Variants in PIP5K1B observed in about 807,000 individuals in gnomAD.
The protein encoded by PIP5K1B is phosphatidylinositol-4-phosphate 5-kinase type 1 beta.
PIP5K1B carries 42 observed loss-of-function variants against 67.0 expected under a neutral mutation model. That is an observed-to-expected ratio of 0.63 (90% CI 0.49 to 0.81). The LOEUF is 0.81. Ranked by LOEUF, PIP5K1B falls within the 30% of genes least tolerant of loss-of-function variation. The pLI, the probability that PIP5K1B is intolerant of heterozygous loss-of-function variation, is 0.00. For missense variants in PIP5K1B, 459 were observed against 646.3 expected, an observed-to-expected ratio of 0.71 and a Z score of 3.14; for synonymous variants, 214 against 231.4, an observed-to-expected ratio of 0.92 and a Z score of 0.68.
Position 68,940,623 on chromosome 9 carries a change from G to A in PIP5K1B, c.1358-23G>A, listed in dbSNP as rs775279650. The A allele has an allele frequency of 5.6e-6, 9 of 1,608,116 alleles. No individual in the cohort carries two copies. In the Admixed American group the frequency reaches 1.3e-4, roughly 24 times the overall value. ...GCATTTATCCTTGAGATTCATGAAT[G>A]TGTGTGTTGCTTTCGTTCCTAGCCC... On this transcript the variant is annotated intron_variant, in intron 13 of 15. Transcript: ENST00000265382.
At chr9:68,715,045 C>T (rs1827567805) in intron 1 of PIP5K1B, among the ~76,000 whole-genome samples, 1 of 152,242 alleles carries the variant, frequency 6.6e-6, no homozygotes, top group African/African-American at 2.4e-5. Flanking sequence ...TCCCAAAAGG[C>T]ACCTGTCTCT....
At chr9:68,857,357 G>T (rs1176025189) in intron 4 of PIP5K1B, among the ~76,000 whole-genome samples, 1 of 152,164 alleles carries the variant, frequency 6.6e-6, no homozygotes, top group African/African-American at 2.4e-5. Context: ...AGAGGAGGAG[G>T]TTTGCCTACC....
chr9:68,895,561 A>T (rs6560419), intron 8 of PIP5K1B, among the ~76,000 whole-genome samples: 65,502 of 151,344 alleles, frequency 0.43, 14,421 homozygotes, highest in South Asian at 0.51. Flanking sequence ...TGAGGAAGAC[A>T]GTCTGACACC....
At chr9:68,780,243 G>A (rs1380570718) in intron 2 of PIP5K1B, 2 of 1,531,712 alleles carry the variant, frequency 1.3e-6, no homozygotes, top group African/African-American at 1.4e-5. Context: ...CGGTGGCAGC[G>A]GCGGCGGCGG....
In PIP5K1B at chr9:68,991,969, AT is replaced by A. The variant is rs112540371; in HGVS notation, c.1620+720del. On this transcript the variant is annotated intron_variant, in intron 15 of 15. Transcript: ENST00000265382. ...TCTTTGTATGCCTGCACAAAAAAAA[AT>A]TTTTTTTGGGGGGGGGCAGAGTTTT... is the stretch of plus-strand genomic sequence containing the variant. Among the ~76,000 whole-genome samples, 1,440 of 150,520 alleles carry A rather than the reference AT, an allele frequency of 9.6e-3. 14 individuals carry two copies. The highest frequency in any genetic ancestry group is 0.033 in the African/African-American group (1,342 of 40,266).
intron 2 of PIP5K1B, chr9:68,780,237 G>T (rs1831174429): frequency 4.5e-6 from 7 of 1,542,812 alleles, no homozygotes; most frequent in Non-Finnish European, 6.1e-6. Flanking sequence ...GGAGGGCGGT[G>T]GCAGCGGCGG....
chr9:68,822,910 T>C (rs886379179), intron 4 of PIP5K1B, among the ~76,000 whole-genome samples: 3 of 152,178 alleles, frequency 2.0e-5, no homozygotes, highest in Non-Finnish European at 4.4e-5. Flanking sequence ...CTGAGATCCA[T>C]GTGTTTGCAG....
intron 2 of PIP5K1B, among the ~76,000 whole-genome samples, chr9:68,743,851 G>C (rs572094290): frequency 2.6e-5 from 4 of 152,300 alleles, no homozygotes; most frequent in African/African-American, 9.6e-5. Context: ...TGGGTTTCCT[G>C]CTGAGTATGG....
intron 2 of PIP5K1B, among the ~76,000 whole-genome samples, chr9:68,785,343 C>T (rs1432534283): frequency 1.3e-5 from 2 of 152,280 alleles, no homozygotes; most frequent in African/African-American, 4.8e-5. Flanking sequence ...AGGTCTCTCA[C>T]TCCAGCAGTT....
Position 68,863,859 on chromosome 9 carries a change from G to A in PIP5K1B, c.92G>A (p.Gly31Asp), listed in dbSNP as rs1450095432. Reference sequence around the variant, plus strand: ...CAGACTGCATCATCTGCTATTAAAGGTGCTATTCAGCTGGGAATAGGATAC... The same window carrying A: ...CAGACTGCATCATCTGCTATTAAAGATGCTATTCAGCTGGGAATAGGATAC... ...YKKTASSAIK[G>D]AIQLGIGYTV... Residue 31 changes from glycine (G) to aspartate (D), a missense_variant, in exon 5 of 16, where the codon GGT becomes GAT. Physicochemically the swap from Gly to Asp is moderately conservative, Grantham distance 94. Around this residue, in one of 2 missense-constraint regions of PIP5K1B, gnomAD observed 290 missense variants for 474.4 expected, o/e 0.61. Coordinates refer to ENST00000265382, the MANE Select transcript of PIP5K1B (RefSeq NM_003558.4). 6.2e-7 allele frequency: 1 copy of A among 1,613,628 alleles called. No homozygotes were observed. The highest frequency in any genetic ancestry group is 2.2e-5 in the East Asian group (1 of 44,852).
chr9:68,722,879 T>G (rs886313997), intron 1 of PIP5K1B, among the ~76,000 whole-genome samples: 1 of 152,164 alleles, frequency 6.6e-6, no homozygotes, highest in Non-Finnish European at 1.5e-5. Context: ...CCTACTGTAC[T>G]ATAAAATACT....
chr9:68,787,265 G>A (rs1444295674), intron 2 of PIP5K1B, among the ~76,000 whole-genome samples: 1 of 152,300 alleles, frequency 6.6e-6, no homozygotes, highest in African/African-American at 2.4e-5. Context: ...TGAGACCCAA[G>A]TGCTAAAGGC....
At chr9:68,898,677 C>G (rs561728120) in intron 8 of PIP5K1B, among the ~76,000 whole-genome samples, 92 of 152,186 alleles carry the variant, frequency 6.0e-4, no homozygotes, top group Admixed American at 5.9e-3. Context: ...GCCAGATACC[C>G]AGATCTGCAC....
At chr9:68,863,264 T>G (rs1002657917) in intron 4 of PIP5K1B, among the ~76,000 whole-genome samples, 1 of 152,206 alleles carries the variant, frequency 6.6e-6, no homozygotes, top group Admixed American at 6.5e-5. Flanking sequence ...CTACCATGTA[T>G]GTAGCACTAC....
intron 1 of PIP5K1B, among the ~76,000 whole-genome samples, chr9:68,725,447 A>G (rs930257574): frequency 3.9e-5 from 6 of 152,238 alleles, no homozygotes; most frequent in African/African-American, 1.4e-4. Flanking sequence ...CCTTAGAACA[A>G]AAGCATTGCA....
chr9:68,893,320 C>G (rs1824895135), intron 7 of PIP5K1B, among the ~76,000 whole-genome samples: 1 of 143,374 alleles, frequency 7.0e-6, no homozygotes, highest in African/African-American at 2.5e-5. Flanking sequence ...GGCATGTATT[C>G]CCTATTTTTT....
At chr9:68,891,864 T>C (rs1280611453) in intron 7 of PIP5K1B, among the ~76,000 whole-genome samples, 1 of 152,166 alleles carries the variant, frequency 6.6e-6, no homozygotes, top group Non-Finnish European at 1.5e-5. Context: ...AGAGATCCTG[T>C]TCATGATGAC....
intron 4 of PIP5K1B, among the ~76,000 whole-genome samples, chr9:68,840,717 T>C (rs1760610253): frequency 6.6e-6 from 1 of 152,208 alleles, no homozygotes; most frequent in Admixed American, 6.5e-5. Flanking sequence ...TTTTAACTCT[T>C]AACAACCCAT....
intron 14 of PIP5K1B, among the ~76,000 whole-genome samples, chr9:68,972,539 C>T (rs1464123280): frequency 6.6e-6 from 1 of 151,876 alleles, no homozygotes; most frequent in Non-Finnish European, 1.5e-5. Context: ...TACTTGGGAG[C>T]GTAAGGCAGG....
Sources: gnomAD v4.1 joint callset for allele counts (sites outside exome capture counted in the v4.1 genomes callset) on GRCh38, gnomAD v4.1.1 for gene constraint, gnomAD v4.1.1 regional missense constraint, MANE v1.5 for transcripts, NCBI Gene and HGNC (gene_info 2026-07-23, HGNC 2026-07-21) for gene names.